The following VSIG1 variants were observed in gnomAD, a reference collection of about 807,000 sequenced individuals.
VSIG1 encodes the protein V-set and immunoglobulin domain containing 1, also known as V-set and immunoglobulin domain-containing protein 1.
VSIG1 carries 11 observed loss-of-function variants against 20.1 expected under a neutral mutation model. That is an observed-to-expected ratio of 0.55 (90% confidence interval 0.34 to 0.91). VSIG1 has a LOEUF of 0.91. VSIG1 is among the 40% of genes least tolerant of loss of function. The pLI is 0.02. For synonymous variants in VSIG1, 126 were observed against 116.7 expected, an observed-to-expected ratio of 1.08 and a Z score of -0.52; for missense variants, 283 against 298.8, an observed-to-expected ratio of 0.95 and a Z score of 0.39.
chrX:108,027,086 TGGTGCA>T, the VSIG1 span, among the ~76,000 whole-genome samples: 1 of 111,443 alleles, frequency 9.0e-6, no homozygotes, highest in Admixed American at 9.6e-5. Context: ...GAATGTAAAA[TGGTGCA>T]GTCATTGTGG....
intron 2 of VSIG1, among the ~76,000 whole-genome samples, chrX:108,062,724 A>C (rs2031052631): frequency 9.0e-6 from 1 of 111,496 alleles, no homozygotes; most frequent in Admixed American, 9.5e-5. Flanking sequence ...AGTCCAAATA[A>C]AATTCTGAGC....
intron 1 of VSIG1, among the ~76,000 whole-genome samples, chrX:108,047,538 A>G (rs1171922489): frequency 1.8e-4 from 20 of 109,916 alleles, no homozygotes; most frequent in Admixed American, 1.8e-3. Context: ...CTCAAATCCA[A>G]AAAAGTGAGT....
chrX:108,028,237 C>A, the VSIG1 span, among the ~76,000 whole-genome samples: 3 of 111,247 alleles, frequency 2.7e-5, no homozygotes, highest in Admixed American at 2.9e-4. Context: ...TCCTATTCAC[C>A]GGGAGGAATT....
chrX:108,071,421 G>A (rs2031239258), intron 3 of VSIG1, among the ~76,000 whole-genome samples: 2 of 111,771 alleles, frequency 1.8e-5, no homozygotes, highest in South Asian at 7.5e-4. Context: ...AGATATGATA[G>A]ATATATAAAT....
At chrX:108,046,979 A>G (rs1240249936) in intron 1 of VSIG1, among the ~76,000 whole-genome samples, 2 of 110,607 alleles carry the variant, frequency 1.8e-5, no homozygotes, top group African/African-American at 6.6e-5. Context: ...GGTATGCTCT[A>G]TTGTCGTTTG....
upstream of VSIG1, among the ~76,000 whole-genome samples, chrX:108,041,004 G>A (rs2030471429): frequency 2.8e-5 from 3 of 107,632 alleles, no homozygotes; most frequent in African/African-American, 1.0e-4. Context: ...CTGTATCCTT[G>A]TTTGTCCTTT....
intron 2 of VSIG1, among the ~76,000 whole-genome samples, chrX:108,066,263 A>G (rs1317999575): frequency 9.0e-6 from 1 of 111,627 alleles, no homozygotes; most frequent in Non-Finnish European, 1.9e-5. Flanking sequence ...CTTCTGCCAC[A>G]TGGGGAGAAA....
At chrX:108,050,414 C>T (rs924404516) in intron 1 of VSIG1, among the ~76,000 whole-genome samples, 3 of 111,906 alleles carry the variant, frequency 2.7e-5, no homozygotes, top group African/African-American at 9.8e-5. Context: ...GCATAGAGAG[C>T]GTCTCTTGAA....
chrX:108,032,223 G>C, the VSIG1 span, among the ~76,000 whole-genome samples: 1 of 112,313 alleles, frequency 8.9e-6, no homozygotes, highest in East Asian at 2.8e-4. Flanking sequence ...AGACTGGGTG[G>C]GAAGCCTGAG....
intron 3 of VSIG1, among the ~76,000 whole-genome samples, chrX:108,071,233 T>C (rs976095521): frequency 9.0e-6 from 1 of 111,422 alleles, no homozygotes; most frequent in Non-Finnish European, 1.9e-5. Flanking sequence ...CTAACTCACC[T>C]AAATTAGAGA....
At position 108,060,928 on chromosome X, in the gene VSIG1, C is replaced by T. The variant is rs188716739; in HGVS notation, c.213+2727C>T. 6.7e-3 allele frequency among the ~76,000 whole-genome samples: 754 copies of T among 112,190 alleles called. 3 individuals are homozygous for T. Among genetic ancestry groups the T allele is most frequent in the Middle Eastern group, 0.014 (3 of 214 alleles). On this transcript the variant is annotated intron_variant, in intron 2 of 6. Transcript: ENST00000217957. Reference sequence around the variant, plus strand: ...ACCCCTGGTGATCTAGAGGGACTGACTCATGGGCACTAGGGAGCCTAGCTC... The same window carrying T: ...ACCCCTGGTGATCTAGAGGGACTGATTCATGGGCACTAGGGAGCCTAGCTC...
At chrX:108,021,639 A>C in the VSIG1 span, among the ~76,000 whole-genome samples, 1 of 112,580 alleles carries the variant, frequency 8.9e-6, no homozygotes, top group Admixed American at 9.4e-5. Flanking sequence ...AATCCAAAGT[A>C]CGAAGATTTA....
chrX:108,023,814 C>G, the VSIG1 span, among the ~76,000 whole-genome samples: 5 of 111,868 alleles, frequency 4.5e-5, no homozygotes, highest in African/African-American at 1.6e-4. Flanking sequence ...ATGCTAGAGC[C>G]TTTATTGGAG....
intron 5 of VSIG1, 54 bp from the exon 6 acceptor site, chrX:108,076,023 A>G: frequency 1.7e-6 from 2 of 1,193,517 alleles, no homozygotes; most frequent in Non-Finnish European, 1.1e-6. Flanking sequence ...ACAAACACAC[A>G]TTATAAAATG....
At chrX:108,047,151 G>C (rs1242439055) in intron 1 of VSIG1, among the ~76,000 whole-genome samples, 1 of 111,234 alleles carries the variant, frequency 9.0e-6, no homozygotes, top group Non-Finnish European at 1.9e-5. Context: ...GTCACTTTTT[G>C]GTGTTAAGCG....
upstream of VSIG1, chrX:108,044,831 A>G (rs1264533130): frequency 2.7e-5 from 6 of 219,316 alleles, no homozygotes; most frequent in East Asian, 4.5e-4. Context: ...TTGATTTTAA[A>G]CAATGAGACT....
the VSIG1 span, among the ~76,000 whole-genome samples, chrX:108,038,163 A>G: frequency 2.7e-5 from 3 of 111,200 alleles, no homozygotes; most frequent in African/African-American, 9.8e-5. Context: ...TACATGTGCC[A>G]TGGTGGTTTG....
chrX:108,064,357 T>G (rs1164089633), intron 2 of VSIG1, among the ~76,000 whole-genome samples: 1 of 111,725 alleles, frequency 9.0e-6, no homozygotes, highest in Non-Finnish European at 1.9e-5. Context: ...CAAAATGTAT[T>G]AGACTACAGC....
At chrX:108,054,104 A>G (rs1431021431) in intron 1 of VSIG1, among the ~76,000 whole-genome samples, 1 of 112,071 alleles carries the variant, frequency 8.9e-6, no homozygotes, top group Non-Finnish European at 1.9e-5. Flanking sequence ...TAATTTTTCA[A>G]AAATCTGGAG....
Sources: allele counts gnomAD v4.1 joint callset (sites outside exome capture counted in the v4.1 genomes callset), GRCh38; gene constraint gnomAD v4.1.1; transcripts MANE v1.5; gene names NCBI Gene and HGNC (gene_info 2026-07-23, HGNC 2026-07-21).